FMN1: variants seen among roughly 807,000 people sequenced by gnomAD.
FMN1 encodes formin 1.
Under a neutral mutation model 132.4 loss-of-function variants are expected in FMN1, and 110 were observed. The observed-to-expected ratio is 0.83, with a 90% CI of 0.71 to 0.97. FMN1 has a LOEUF of 0.97. FMN1 is among the 50% of genes least tolerant of loss of function. FMN1 has a pLI of 0.00. For synonymous variants in FMN1, 722 were observed against 651.7 expected (o/e 1.11, Z -1.64); for missense variants, 1,792 against 1,705.3 (o/e 1.05, Z -0.90).
At chr15:33,059,825 C>T (rs116565690) in intron 6 of FMN1, among the ~76,000 whole-genome samples, 2 of 152,172 alleles carry the variant, frequency 1.3e-5, no homozygotes, top group Non-Finnish European at 2.9e-5. Flanking sequence ...TAATCTCTTG[C>T]TTCTACTCTC....
chr15:33,014,435 G>C (rs1192237663), intron 6 of FMN1, among the ~76,000 whole-genome samples: 1 of 152,180 alleles, frequency 6.6e-6, no homozygotes, highest in Non-Finnish European at 1.5e-5. Flanking sequence ...TGTGTGAAAA[G>C]GAGGAACAGG....
At chr15:32,843,570 A>G (rs1324454588) in intron 17 of FMN1, among the ~76,000 whole-genome samples, 1 of 152,348 alleles carries the variant, frequency 6.6e-6, no homozygotes, top group East Asian at 1.9e-4. Context: ...GGCTTTCTAC[A>G]TTACTTACTT....
chr15:33,121,910 A>G (rs954626070), intron 4 of FMN1, among the ~76,000 whole-genome samples: 7 of 152,242 alleles, frequency 4.6e-5, no homozygotes, highest in Non-Finnish European at 1.5e-5. Context: ...CCACAATAAG[A>G]AAAATCTAGA....
intron 7 of FMN1, among the ~76,000 whole-genome samples, chr15:32,981,248 T>C (rs1391898035): frequency 6.6e-6 from 1 of 151,988 alleles, no homozygotes; most frequent in East Asian, 1.9e-4. Context: ...TCCCAGCACT[T>C]TGGGAGGCGG....
chr15:32,951,875 C>A (rs1281702214), intron 9 of FMN1, among the ~76,000 whole-genome samples: 2 of 152,260 alleles, frequency 1.3e-5, no homozygotes, highest in South Asian at 2.1e-4. Flanking sequence ...TACCACCTTC[C>A]ATACTTAGTC....
intron 17 of FMN1, among the ~76,000 whole-genome samples, chr15:32,850,924 T>C (rs1460979121): frequency 1.3e-5 from 2 of 152,122 alleles, no homozygotes; most frequent in African/African-American, 4.8e-5. Flanking sequence ...CCAGGCGTGG[T>C]GGCAGGTGCC....
At chr15:33,070,107 G>A (rs1464226432) in intron 5 of FMN1, among the ~76,000 whole-genome samples, 1 of 145,468 alleles carries the variant, frequency 6.9e-6, no homozygotes, top group Non-Finnish European at 1.5e-5. Context: ...CCGGGTTCAA[G>A]TGATTCTTCT....
intron 4 of FMN1, among the ~76,000 whole-genome samples, chr15:33,106,666 A>G (rs2039499195): frequency 1.3e-5 from 2 of 152,056 alleles, no homozygotes; most frequent in Admixed American, 1.3e-4. Flanking sequence ...TCTCAGCACC[A>G]TTGAAATTTT....
chr15:32,904,130 C>G (rs2060363986), intron 12 of FMN1, among the ~76,000 whole-genome samples: 1 of 151,970 alleles, frequency 6.6e-6, no homozygotes, highest in South Asian at 2.1e-4. Context: ...AGTAAACCAA[C>G]AATTACTGTG....
chr15:32,994,012 AC>A (rs1343001671), intron 7 of FMN1, among the ~76,000 whole-genome samples: 1 of 152,030 alleles, frequency 6.6e-6, no homozygotes, highest in African/African-American at 2.4e-5. Flanking sequence ...AAATTGGGAA[AC>A]CTTAAAAAGA....
intron 16 of FMN1, among the ~76,000 whole-genome samples, chr15:32,867,750 C>G (rs984153501): frequency 1.3e-4 from 20 of 152,216 alleles, no homozygotes; most frequent in African/African-American, 4.8e-4. Context: ...CTCGGCCTCC[C>G]AAAGTGCTGG....
At chr15:32,949,515 A>G (rs547869765) in intron 9 of FMN1, among the ~76,000 whole-genome samples, 5 of 152,280 alleles carry the variant, frequency 3.3e-5, no homozygotes, top group African/African-American at 1.2e-4. Context: ...GAAGACTGAA[A>G]GTGACCCCTT....
chr15:33,017,896 C>A (rs2035155403), intron 6 of FMN1, among the ~76,000 whole-genome samples: 1 of 152,102 alleles, frequency 6.6e-6, no homozygotes, highest in Non-Finnish European at 1.5e-5. Flanking sequence ...AAAACCTAGT[C>A]TCTACCAAAA....
At chr15:33,086,390 A>G (rs1448327218) in intron 5 of FMN1, among the ~76,000 whole-genome samples, 1 of 149,886 alleles carries the variant, frequency 6.7e-6, no homozygotes, top group African/African-American at 2.5e-5. Context: ...CAAATTGTAC[A>G]GTCGTCTCAG....
intron 6 of FMN1, among the ~76,000 whole-genome samples, chr15:33,018,965 G>GGCC (rs1467643622): frequency 1.3e-5 from 2 of 152,112 alleles, no homozygotes; most frequent in Non-Finnish European, 2.9e-5. Flanking sequence ...AGACAATGTG[G>GGCC]GCCCAAAGGA....
At chr15:33,148,077 A>G (rs1460225218) in intron 4 of FMN1, among the ~76,000 whole-genome samples, 1 of 152,052 alleles carries the variant, frequency 6.6e-6, no homozygotes, top group Non-Finnish European at 1.5e-5. Flanking sequence ...CACATGAGAA[A>G]GAAATAAAAC....
intron 2 of FMN1, among the ~76,000 whole-genome samples, chr15:33,192,545 C>T (rs1966114758): frequency 6.6e-6 from 1 of 152,222 alleles, no homozygotes; most frequent in Admixed American, 6.5e-5. Flanking sequence ...AAAGCTGCAT[C>T]TTTAACGTAT....
intron 5 of FMN1, among the ~76,000 whole-genome samples, chr15:33,068,353 C>T (rs1289448995): frequency 6.6e-6 from 1 of 152,174 alleles, no homozygotes; most frequent in Non-Finnish European, 1.5e-5. Context: ...GCTGAGCCGG[C>T]AAGCTGATAC....
At chr15:33,111,539 G>A (rs932547873) in intron 4 of FMN1, among the ~76,000 whole-genome samples, 5 of 152,150 alleles carry the variant, frequency 3.3e-5, no homozygotes, top group African/African-American at 1.2e-4. Flanking sequence ...AATGTTCGTA[G>A]CATTACGCAT....
Sources: allele counts gnomAD v4.1 joint callset (sites outside exome capture counted in the v4.1 genomes callset), GRCh38; gene constraint gnomAD v4.1.1; transcripts MANE v1.5; gene names NCBI Gene and HGNC (gene_info 2026-07-23, HGNC 2026-07-21).